The following CABCOCO1 variants were observed in gnomAD, a reference collection of about 807,000 sequenced individuals.
CABCOCO1 encodes ciliary associated calcium binding coiled-coil 1, also known as ciliary-associated calcium-binding coiled-coil protein 1.
A neutral mutation model predicts 35.7 loss-of-function variants in CABCOCO1; 28 were observed. The observed-to-expected ratio is 0.78, with a 90% confidence interval of 0.58 to 1.07. The LOEUF is 1.07. CABCOCO1 is among the 50% of genes least tolerant of loss of function. The pLI, the probability that CABCOCO1 is intolerant of heterozygous loss-of-function variation, is 0.00. For synonymous variants in CABCOCO1, 95 were observed against 100.1 expected (o/e 0.95, Z 0.30); for missense variants, 326 against 309.2 (o/e 1.05, Z -0.41).
chr10:61,732,384 G>A (rs1163664943), intron 5 of CABCOCO1, among the ~76,000 whole-genome samples: 1 of 151,916 alleles, frequency 6.6e-6, no homozygotes, highest in South Asian at 2.1e-4. Flanking sequence ...CTAGAATGCA[G>A]GTTCAAAAAG....
chr10:61,686,005 AAAT>A, intron 3 of CABCOCO1, 33 bp from the exon 4 acceptor site: 1 of 1,546,862 alleles, frequency 6.5e-7, no homozygotes, highest in Non-Finnish European at 8.7e-7. Context: ...ACATCTATCA[AAAT>A]AATAATTAAG....
intron 5 of CABCOCO1, among the ~76,000 whole-genome samples, chr10:61,725,183 T>C (rs2132046377): frequency 6.6e-6 from 1 of 152,308 alleles, no homozygotes; most frequent in South Asian, 2.1e-4. Flanking sequence ...AGTTCAACCA[T>C]TGTGGAAGAC....
chr10:61,699,208 T>C (rs11813763), intron 5 of CABCOCO1, among the ~76,000 whole-genome samples: 2,366 of 152,246 alleles, frequency 0.016, 38 homozygotes, highest in East Asian at 0.046. Context: ...GAATCTATCA[T>C]TTAAAGAAAA....
chr10:61,701,728 G>C (rs1239993076), intron 5 of CABCOCO1: 1 of 985,198 alleles, frequency 1.0e-6, no homozygotes, highest in African/African-American at 1.7e-5. Flanking sequence ...ACTGTATCAG[G>C]TTCAGCAACC....
At chr10:61,692,001 A>T (rs1389174592) in intron 5 of CABCOCO1, among the ~76,000 whole-genome samples, 1 of 152,152 alleles carries the variant, frequency 6.6e-6, no homozygotes, top group Non-Finnish European at 1.5e-5. Context: ...TCCTTTGGGT[A>T]TATACCTAGT....
At chr10:61,692,232 C>T (rs1840167403) in intron 5 of CABCOCO1, among the ~76,000 whole-genome samples, 1 of 152,102 alleles carries the variant, frequency 6.6e-6, no homozygotes, top group African/African-American at 2.4e-5. Context: ...ATTTGCATTC[C>T]TCTAATGACC....
intron 5 of CABCOCO1, among the ~76,000 whole-genome samples, chr10:61,698,816 A>G (rs1429144318): frequency 6.6e-6 from 1 of 152,140 alleles, no homozygotes; most frequent in East Asian, 1.9e-4. Flanking sequence ...GTCCTGAATA[A>G]ACAAAATATG....
chr10:61,720,590 T>G (rs906512770), intron 5 of CABCOCO1, among the ~76,000 whole-genome samples: 6 of 152,196 alleles, frequency 3.9e-5, no homozygotes, highest in African/African-American at 1.4e-4. Context: ...TGGTAGAGGA[T>G]TATTAAATTC....
At chr10:61,760,763 A>G (rs1841992867) in intron 6 of CABCOCO1, 100 bp from the exon 7 acceptor site, 2 of 1,310,464 alleles carry the variant, frequency 1.5e-6, no homozygotes, top group South Asian at 3.2e-5. Flanking sequence ...TGGAACTTAA[A>G]GTAAAATAAA....
intron 5 of CABCOCO1, among the ~76,000 whole-genome samples, chr10:61,748,211 A>G (rs571998309): frequency 2.4e-4 from 37 of 152,234 alleles, no homozygotes; most frequent in African/African-American, 8.2e-4. Flanking sequence ...ACTATATAAC[A>G]GGGGAAAATA....
In CABCOCO1 at chr10:61,681,193, A is replaced by G; in HGVS notation, c.215A>G (p.Asp72Gly). The change falls in exon 3 of 8, where the codon GAT becomes GGT. Residue 72 changes from aspartate to glycine, a missense_variant. By Grantham distance (94) the Asp-to-Gly change is moderately conservative. Coordinates refer to ENST00000648843, the MANE Select transcript of CABCOCO1 (RefSeq NM_001366906.2). ...AAAAACCTTGAAACTTGTTTAAAGG[A>G]TGCCATTCTACTAGATTATTATGTA... Reference protein sequence around the residue: ...NFKNLETCLKDAILLDYYVSG... With the variant: ...NFKNLETCLKGAILLDYYVSG... 1 of 1,519,164 alleles carries G rather than the reference A, an allele frequency of 6.6e-7. No individual in the cohort carries two copies. The highest frequency in any genetic ancestry group is 8.9e-7 in the Non-Finnish European group (1 of 1,126,162). 94.1% of individuals were successfully genotyped at this position (1,519,164 alleles called of 1,614,324 possible).
Position 61,765,941 on chromosome 10 carries a change from C to G in CABCOCO1, c.819C>G (p.Thr273=), listed in dbSNP as rs576069207. The change falls in exon 8 of 8, where the codon ACC becomes ACG. Residue 273 remains threonine (T), a splice_region_variant and synonymous_variant. Transcript: ENST00000648843. ...VTDDILIGIQ[T]EINEKLQIQE... ...GTTTTTTATGATTGTCTTCACAGAC[C>G]GAGATAAACGAAAAACTGCAAATAC... 4.3e-6 allele frequency: 7 copies of G among 1,612,072 alleles called. No individual in the cohort carries two copies. In the Admixed American group the frequency reaches 5.0e-5, roughly 12 times the overall value.
At chr10:61,729,901 TC>T (rs1726703086) in intron 5 of CABCOCO1, among the ~76,000 whole-genome samples, 1 of 152,212 alleles carries the variant, frequency 6.6e-6, no homozygotes, top group South Asian at 2.1e-4. Context: ...ATATCAGTTA[TC>T]TAAAATAGAG....
intron 7 of CABCOCO1, among the ~76,000 whole-genome samples, chr10:61,761,733 A>G (rs1842013605): frequency 6.6e-6 from 1 of 152,126 alleles, no homozygotes; most frequent in African/African-American, 2.4e-5. Flanking sequence ...GTGCATATTT[A>G]AAATATTAAT....
intron 5 of CABCOCO1, among the ~76,000 whole-genome samples, chr10:61,735,178 C>A (rs965348596): frequency 6.6e-6 from 1 of 151,780 alleles, no homozygotes; most frequent in African/African-American, 2.4e-5. Context: ...AGGATGAACC[C>A]CCAAAAGCCA....
chr10:61,740,600 G>A (rs906473042), intron 5 of CABCOCO1, among the ~76,000 whole-genome samples: 1 of 152,182 alleles, frequency 6.6e-6, no homozygotes, highest in African/African-American at 2.4e-5. Context: ...CATTTTAACT[G>A]CAATTTGGGC....
chr10:61,765,615 T>A (rs1322221354), intron 7 of CABCOCO1, among the ~76,000 whole-genome samples: 1 of 152,232 alleles, frequency 6.6e-6, no homozygotes, highest in Non-Finnish European at 1.5e-5. Flanking sequence ...AAAGCAGTTA[T>A]TCTGATTCAG....
chr10:61,680,473 TA>T (rs1381801725), intron 2 of CABCOCO1, among the ~76,000 whole-genome samples: 2 of 115,376 alleles, frequency 1.7e-5, no homozygotes, highest in East Asian at 2.5e-4. Flanking sequence ...ATATAATATA[TA>T]TTTATATATA....
intron 4 of CABCOCO1, among the ~76,000 whole-genome samples, chr10:61,688,574 T>C (rs1840036601): frequency 6.6e-6 from 1 of 152,190 alleles, no homozygotes; most frequent in African/African-American, 2.4e-5. Context: ...CATTTACATA[T>C]ATACGGCCCA....
Sources: gnomAD v4.1 joint callset for allele counts (sites outside exome capture counted in the v4.1 genomes callset) on GRCh38, gnomAD v4.1.1 for gene constraint, MANE v1.5 for transcripts, NCBI Gene and HGNC (gene_info 2026-07-23, HGNC 2026-07-21) for gene names.